Variants in TMEM175 observed in about 807,000 individuals in gnomAD.
TMEM175 encodes the protein transmembrane protein 175, also known as endosomal/lysosomal proton channel TMEM175.
Under a neutral mutation model 36.5 loss-of-function variants are expected in TMEM175, and 36 were observed. That is an observed-to-expected ratio of 0.99 (90% confidence interval 0.76 to 1.30). TMEM175 has a LOEUF of 1.30. Ranked by LOEUF, TMEM175 falls within the 50% of genes most tolerant of loss-of-function variation. TMEM175 has a pLI of 0.00. For synonymous variants in TMEM175, 339 were observed against 313.4 expected, an observed-to-expected ratio of 1.08 and a Z score of -0.86; for missense variants, 705 against 692.8, an observed-to-expected ratio of 1.02 and a Z score of -0.20.
At chr4:944,328 A>C (rs1327644920) in intron 1 of TMEM175, among the ~76,000 whole-genome samples, 1 of 152,212 alleles carries the variant, frequency 6.6e-6, no homozygotes, top group Non-Finnish European at 1.5e-5. Flanking sequence ...GCAAAATTAC[A>C]GTGACAGAAA....
At chr4:946,872 G>A (rs188911015) in intron 1 of TMEM175, among the ~76,000 whole-genome samples, 2,674 of 150,266 alleles carry the variant, frequency 0.018, 34 homozygotes, top group Non-Finnish European at 0.027. Context: ...CACAGGCGCC[G>A]AGACCGAGGG....
rs561143962 is a variant in TMEM175, at chr4:935,682, A to G, written c.-32+3142A>G. Among the ~76,000 whole-genome samples, 103 of 152,374 alleles carry G rather than the reference A, an allele frequency of 6.8e-4. 1 individual carries two copies. Among genetic ancestry groups the G allele is most frequent in the Non-Finnish European group, 1.3e-3 (86 of 68,032 alleles). ...AGCCAACTTGACCTAATGAATGTTTATGGAACACTCCCCACAATAACAGCA... is the reference window on the plus strand; with the variant it reads ...AGCCAACTTGACCTAATGAATGTTTGTGGAACACTCCCCACAATAACAGCA... On this transcript the variant is annotated intron_variant, in intron 1 of 10. Transcript: ENST00000264771.
intron 3 of TMEM175, among the ~76,000 whole-genome samples, chr4:948,921 G>A (rs994720691): frequency 6.6e-6 from 1 of 152,232 alleles, no homozygotes; most frequent in Non-Finnish European, 1.5e-5. Flanking sequence ...GCTGTGCGAA[G>A]GGGATGATGA....
chr4:947,360 C>G (rs1040648939), intron 1 of TMEM175, among the ~76,000 whole-genome samples: 1 of 152,166 alleles, frequency 6.6e-6, no homozygotes, highest in Non-Finnish European at 1.5e-5. Flanking sequence ...TCAAGGGCCC[C>G]GCAGGGTGCT....
At chr4:953,734 G>A (rs777373860) in intron 8 of TMEM175, among the ~76,000 whole-genome samples, 10 of 152,184 alleles carry the variant, frequency 6.6e-5, no homozygotes, top group Non-Finnish European at 1.3e-4. Flanking sequence ...CACCCAGGCC[G>A]GAGGGCAGTG....
Position 955,811 on chromosome 4 carries a change from C to T in TMEM175, c.763C>T (p.Pro255Ser). ...VEVFSFDLHE[P>S]LSKERVEAFS... is the part of the protein sequence containing the mutation. The stretch of plus-strand genomic sequence containing the variant: ...AGTCTTCTCGTTTGACCTCCACGAG[C>T]CACTCAGCAAGGAGCGCGTGGAAGC... Residue 255 changes from proline (P) to serine (S), a missense_variant, in exon 10 of 11, where the codon CCA becomes TCA. Transcript: ENST00000264771. The T allele has an allele frequency of 6.2e-7, 1 of 1,614,078 alleles. No homozygotes were observed. The highest frequency in any genetic ancestry group is 2.2e-5 in the East Asian group (1 of 44,888).
At chr4:934,003 T>C (rs1390013131) in intron 1 of TMEM175, among the ~76,000 whole-genome samples, 1 of 152,284 alleles carries the variant, frequency 6.6e-6, no homozygotes, top group African/African-American at 2.4e-5. Context: ...AAGCACAGTA[T>C]AATTAACCCC....
intron 1 of TMEM175, among the ~76,000 whole-genome samples, chr4:939,319 G>A (rs1727154883): frequency 1.3e-5 from 2 of 152,364 alleles, no homozygotes; most frequent in Admixed American, 6.5e-5. Context: ...AGTGGCTCAC[G>A]CCTGTAATCC....
At chr4:947,608 C>A (rs878959324) in intron 1 of TMEM175, 101 bp from the exon 2 acceptor site, 74 of 890,882 alleles carry the variant, frequency 8.3e-5, no homozygotes, top group Middle Eastern at 3.6e-4. Flanking sequence ...GCGGCCAAGC[C>A]CCCCCCCATA....
rs1023438583 is a variant in TMEM175, at chr4:958,535, T to C, written c.*39T>C. ...CACTCCCAGCCGTCCTCACCAGAGA[T>C]GGACCAGGGAGGACAGGATGCTGGG... On this transcript the variant is annotated 3_prime_UTR_variant, in exon 11 of 11. Transcript: ENST00000264771. 3.8e-5 allele frequency: 55 copies of C among 1,442,530 alleles called. No individual in the cohort carries two copies. The Admixed American group carries it at 9.2e-4, about 24-fold the overall frequency. The allele number at this position is 1,442,530 out of a possible 1,614,324, so 89.4% of individuals were successfully genotyped here.
At chr4:951,057 C>A in intron 4 of TMEM175, 150 bp from the exon 5 acceptor site, 1 of 802,946 alleles carries the variant, frequency 1.2e-6, no homozygotes, top group Non-Finnish European at 2.0e-6. Flanking sequence ...TCGTGTTTTC[C>A]AAACTCCGTG....
intron 1 of TMEM175, among the ~76,000 whole-genome samples, chr4:937,571 A>T (rs1424544923): frequency 6.6e-6 from 1 of 152,240 alleles, no homozygotes; most frequent in East Asian, 1.9e-4. Context: ...CTCAAAAAAA[A>T]GAAGACTCCA....
intron 10 of TMEM175, chr4:956,831 T>A: frequency 4.0e-6 from 1 of 247,842 alleles, no homozygotes; most frequent in South Asian, 4.3e-5. Context: ...GTGACCACCT[T>A]GGGGTTAGAC....
chr4:944,082 C>T (rs1474402127), intron 1 of TMEM175, among the ~76,000 whole-genome samples: 5 of 152,164 alleles, frequency 3.3e-5, no homozygotes, highest in Non-Finnish European at 2.9e-5. Flanking sequence ...CACCTGAGGT[C>T]AGGAGTTTGA....
rs1389190965 is a variant in TMEM175 at position 951,734 on chromosome 4, C to T, written c.378+17C>T. On this transcript the variant is annotated intron_variant, in intron 6 of 10. Transcript: ENST00000264771. Reference sequence around the variant, plus strand: ...CCTTACACGGTGAGCAACACCAGGCCCCTGACACCCTGAGGCTTTGCTGGG... The same window carrying T: ...CCTTACACGGTGAGCAACACCAGGCTCCTGACACCCTGAGGCTTTGCTGGG... 2 of 1,613,600 alleles carry T rather than the reference C, an allele frequency of 1.2e-6. No homozygotes were observed. The highest frequency in any genetic ancestry group is 1.3e-5 in the African/African-American group (1 of 74,932).
At chr4:939,822 G>A (rs1384886350) in intron 1 of TMEM175, among the ~76,000 whole-genome samples, 1 of 152,218 alleles carries the variant, frequency 6.6e-6, no homozygotes, top group Non-Finnish European at 1.5e-5. Context: ...ACTCATGGAA[G>A]AAAATGTGTG....
At position 955,499 on chromosome 4, in the gene TMEM175, G is replaced by T; in HGVS notation, c.706+16G>T. 16 of 1,612,892 alleles carry T rather than the reference G, an allele frequency of 9.9e-6. No individual in the cohort carries two copies. Among genetic ancestry groups the T allele is most frequent in the Non-Finnish European group, 1.4e-5 (16 of 1,179,188 alleles). ...AGGCTCCTGGGTAGGTGATGACTGGGTGGGCTGGCCTGAGAGGCCTGTAGT... is the reference window on the plus strand; with the variant it reads ...AGGCTCCTGGGTAGGTGATGACTGGTTGGGCTGGCCTGAGAGGCCTGTAGT... On this transcript the variant is annotated intron_variant, in intron 9 of 10. Coordinates refer to ENST00000264771, the MANE Select transcript of TMEM175 (RefSeq NM_032326.4).
rs971648131 is a variant in TMEM175, at chr4:936,906, G to A, written c.-32+4366G>A. Among the ~76,000 whole-genome samples the A allele has an allele frequency of 3.3e-5, 5 of 151,996 alleles. No homozygotes were observed. In the East Asian group the frequency reaches 5.8e-4, roughly 18 times the overall value. On this transcript the variant is annotated intron_variant, in intron 1 of 10. Transcript: ENST00000264771. Reference sequence around the variant, plus strand: ...AGAGAGTCGGAGGTTGCAGTGAGCCGAGATTGAGCCACGGCACTCCAGTCT... The same window carrying A: ...AGAGAGTCGGAGGTTGCAGTGAGCCAAGATTGAGCCACGGCACTCCAGTCT...
intron 10 of TMEM175, chr4:956,697 G>A: frequency 2.9e-6 from 1 of 343,218 alleles, no homozygotes; most frequent in Non-Finnish European, 5.6e-6. Flanking sequence ...GCCCACCTCG[G>A]CCTCCCAAAG....
Sources: allele counts gnomAD v4.1 joint callset (sites outside exome capture counted in the v4.1 genomes callset), GRCh38; gene constraint gnomAD v4.1.1; transcripts MANE v1.5; gene names NCBI Gene and HGNC (gene_info 2026-07-23, HGNC 2026-07-21).